Variants in NTM observed in about 807,000 individuals in gnomAD.
NTM encodes IgLON family member 2.
A neutral mutation model predicts 42.1 loss-of-function variants in NTM; 13 were observed. The observed-to-expected ratio is 0.31, with a 90% CI of 0.20 to 0.49. NTM has a LOEUF of 0.49. NTM is among the 20% of genes least tolerant of loss of function. The pLI, the probability that NTM is intolerant of heterozygous loss-of-function variation, is 0.99. For missense variants in NTM, 373 were observed against 452.8 expected (o/e 0.82, Z 1.60); for synonymous variants, 187 against 179.2 (o/e 1.04, Z -0.35).
intron 1 of NTM, among the ~76,000 whole-genome samples, chr11:131,852,966 C>A (rs1240020283): frequency 1.4e-5 from 2 of 147,094 alleles, no homozygotes; most frequent in Non-Finnish European, 2.9e-5. Context: ...ACTCATCCAT[C>A]CACCCATTTA....
At chr11:131,859,344 T>C (rs996207378) in intron 1 of NTM, among the ~76,000 whole-genome samples, 21 of 152,222 alleles carry the variant, frequency 1.4e-4, no homozygotes, top group African/African-American at 5.1e-4. Context: ...TATAGAGGAC[T>C]GAAAATCTGG....
At chr11:132,034,968 T>G (rs1283894928) in intron 2 of NTM, among the ~76,000 whole-genome samples, 2 of 152,218 alleles carry the variant, frequency 1.3e-5, no homozygotes, top group African/African-American at 2.4e-5. Context: ...TCTCCTAGCA[T>G]CTTGATTATT....
At chr11:132,279,119 C>A (rs1418436376) in intron 4 of NTM, among the ~76,000 whole-genome samples, 2 of 152,154 alleles carry the variant, frequency 1.3e-5, no homozygotes, top group African/African-American at 4.8e-5. Context: ...TATCTGCTGG[C>A]CCCAAACAGA....
At chr11:131,706,998 T>C (rs78618655) in intron 1 of NTM, among the ~76,000 whole-genome samples, 2,508 of 152,142 alleles carry the variant, frequency 0.016, 71 homozygotes, top group African/African-American at 0.057. Flanking sequence ...TGATAACTTT[T>C]AAATTTTACT....
At chr11:131,984,970 G>C (rs1248417430) in intron 2 of NTM, among the ~76,000 whole-genome samples, 1 of 152,152 alleles carries the variant, frequency 6.6e-6, no homozygotes, top group African/African-American at 2.4e-5. Context: ...GTAATATTGA[G>C]CCTTTGCTGC....
chr11:131,483,687 C>G (rs1372695358), intron 1 of NTM, among the ~76,000 whole-genome samples: 1 of 149,506 alleles, frequency 6.7e-6, no homozygotes, highest in Non-Finnish European at 1.5e-5. Context: ...CCAGCAGCAG[C>G]GAAGAAGAGC....
chr11:131,598,833 CT>C lies in NTM; in HGVS notation c.82+227948del, dbSNP rs1222873246. Reference sequence around the variant, plus strand: ...TTTCTTCTTTCTTTCTTTCTTCTTTCTTTCTTTCTTTCTTTCTTCCTTCCTT... The same window carrying C: ...TTTCTTCTTTCTTTCTTTCTTCTTTCTTCTTTCTTTCTTTCTTCCTTCCTT... On this transcript the variant is annotated intron_variant, in intron 1 of 8. Transcript: ENST00000683400. Among the ~76,000 whole-genome samples, 18 of 28,382 alleles carry C rather than the reference CT, an allele frequency of 6.3e-4. 2 individuals are homozygous for C. The highest frequency in any genetic ancestry group is 2.3e-3 in the African/African-American group (17 of 7,310). 18.6% of individuals were successfully genotyped at this position (28,382 alleles called of 152,430 possible). A position where few individuals can be genotyped will look rare whatever the true frequency, so the allele number is the denominator to read the frequency against.
At chr11:131,636,358 C>T (rs572459956) in intron 1 of NTM, among the ~76,000 whole-genome samples, 1 of 152,256 alleles carries the variant, frequency 6.6e-6, no homozygotes, top group South Asian at 2.1e-4. Context: ...AGGACCCCCA[C>T]AAATACCAAA....
chr11:132,181,001 A>G (rs947528301), intron 3 of NTM, among the ~76,000 whole-genome samples: 3 of 152,210 alleles, frequency 2.0e-5, no homozygotes, highest in African/African-American at 7.2e-5. Flanking sequence ...TAACTTAAGG[A>G]TCTCAGAATA....
chr11:132,204,963 A>G (rs1219867585), intron 3 of NTM, among the ~76,000 whole-genome samples: 2 of 152,140 alleles, frequency 1.3e-5, no homozygotes, highest in Non-Finnish European at 2.9e-5. Context: ...TTGGACATTC[A>G]TGCACCAGGC....
intron 3 of NTM, among the ~76,000 whole-genome samples, chr11:132,205,962 C>T (rs1312253929): frequency 2.0e-5 from 3 of 152,162 alleles, no homozygotes; most frequent in East Asian, 1.9e-4. Context: ...CCTGTGCAGC[C>T]GTCCAGATGC....
chr11:132,212,054 A>T lies in NTM; in HGVS notation c.433A>T (p.Ile145Phe). 1 of 1,612,194 alleles carries T rather than the reference A, an allele frequency of 6.2e-7. No individual in the cohort carries two copies. ...CAAAATTGTAGAGATTTCTTCAGAT[A>T]TCTCCATTAATGAAGGGAACAATAT... ...SPKIVEISSD[I>F]SINEGNNISL... is the part of the protein sequence containing the mutation. The change falls in exon 4 of 9, where the codon ATC becomes TTC. Residue 145 changes from isoleucine to phenylalanine, a missense_variant. Physicochemically the swap from Ile to Phe is conservative, Grantham distance 21. Transcript: ENST00000683400.
At chr11:132,133,196 A>C (rs1046092452) in intron 2 of NTM, among the ~76,000 whole-genome samples, 1 of 151,684 alleles carries the variant, frequency 6.6e-6, no homozygotes, top group Non-Finnish European at 1.5e-5. Flanking sequence ...TAAAGTTCTC[A>C]GCAGAAACTT....
chr11:131,743,609 G>C (rs753438627), intron 1 of NTM, among the ~76,000 whole-genome samples: 2 of 152,140 alleles, frequency 1.3e-5, no homozygotes, highest in African/African-American at 2.4e-5. Context: ...CAGAATGAAG[G>C]CATATCAGGC....
chr11:131,882,868 A>G (rs2049767801), intron 1 of NTM, among the ~76,000 whole-genome samples: 1 of 151,878 alleles, frequency 6.6e-6, no homozygotes, highest in Non-Finnish European at 1.5e-5. Flanking sequence ...AGGAGTTTCT[A>G]CTTCACTGTT....
intron 2 of NTM, among the ~76,000 whole-genome samples, chr11:131,946,021 G>A (rs1323229711): frequency 6.6e-6 from 1 of 152,178 alleles, no homozygotes; most frequent in Non-Finnish European, 1.5e-5. Flanking sequence ...ACTGGGGTTA[G>A]TTACATAAGA....
intron 4 of NTM, among the ~76,000 whole-genome samples, chr11:132,230,217 G>A (rs1281651840): frequency 6.6e-6 from 1 of 152,206 alleles, no homozygotes; most frequent in East Asian, 1.9e-4. Context: ...GTGGGGAACA[G>A]CAAAGCTAAT....
chr11:132,037,491 A>T (rs1379876592), intron 2 of NTM, among the ~76,000 whole-genome samples: 2 of 152,218 alleles, frequency 1.3e-5, no homozygotes, highest in African/African-American at 2.4e-5. Flanking sequence ...CAATTGCTGA[A>T]GTCCTCTCCA....
At chr11:131,846,797 G>A (rs946217123) in intron 1 of NTM, among the ~76,000 whole-genome samples, 9 of 152,254 alleles carry the variant, frequency 5.9e-5, no homozygotes, top group South Asian at 2.1e-4. Context: ...GAGGAGGCAG[G>A]ATTAGCAGTG....
Sources: gnomAD v4.1 joint callset for allele counts (sites outside exome capture counted in the v4.1 genomes callset) on GRCh38, gnomAD v4.1.1 for gene constraint, MANE v1.5 for transcripts, NCBI Gene and HGNC (gene_info 2026-07-23, HGNC 2026-07-21) for gene names.